Variants in MGAT4A observed in about 807,000 individuals in gnomAD.
MGAT4A encodes alpha-1,3-mannosyl-glycoprotein 4-beta-N-acetylglucosaminyltransferase A.
MGAT4A carries 33 observed loss-of-function variants against 74.1 expected under a neutral mutation model. The ratio of observed to expected loss-of-function variants is 0.45; its 90% CI spans 0.34 to 0.60. MGAT4A has a LOEUF of 0.60. Among genes scored for constraint, MGAT4A ranks in the 20% least tolerant of loss-of-function variants. The pLI is 0.02. For synonymous variants in MGAT4A, 198 were observed against 210.4 expected (o/e 0.94, Z 0.51); for missense variants, 479 against 628.3 (o/e 0.76, Z 2.54).
At chr2:98,637,044 T>A (rs1701332209) in intron 12 of MGAT4A, among the ~76,000 whole-genome samples, 2 of 152,160 alleles carry the variant, frequency 1.3e-5, no homozygotes, top group African/African-American at 4.8e-5. Flanking sequence ...GCGTGGTGGC[T>A]CACACCTGTA....
chr2:98,725,982 G>A (rs1702756843), intron 2 of MGAT4A: 1 of 417,062 alleles, frequency 2.4e-6, no homozygotes, highest in African/African-American at 2.0e-5. Context: ...CTGTCTTTTA[G>A]AATATAAAAC....
chr2:98,672,337 A>G (rs1407848098), intron 4 of MGAT4A, among the ~76,000 whole-genome samples: 1 of 152,246 alleles, frequency 6.6e-6, no homozygotes, highest in Non-Finnish European at 1.5e-5. Flanking sequence ...CTGAAGCTCC[A>G]CAAGACTCGG....
At chr2:98,673,907 C>CCA (rs1226505467) in intron 4 of MGAT4A, among the ~76,000 whole-genome samples, 1 of 152,090 alleles carries the variant, frequency 6.6e-6, no homozygotes, top group Non-Finnish European at 1.5e-5. Context: ...AAACAAAGTA[C>CCA]CACACACACC....
At chr2:98,713,587 C>T (rs547273168) in intron 2 of MGAT4A, among the ~76,000 whole-genome samples, 2 of 152,218 alleles carry the variant, frequency 1.3e-5, no homozygotes, top group African/African-American at 4.8e-5. Context: ...CATGGCGAAA[C>T]CCTGTCTACA....
intron 2 of MGAT4A, among the ~76,000 whole-genome samples, chr2:98,696,797 C>A (rs551312931): frequency 1.1e-3 from 168 of 152,318 alleles, no homozygotes; most frequent in African/African-American, 3.9e-3. Flanking sequence ...AAAATAAAAT[C>A]TCATTTTATA....
intron 2 of MGAT4A, among the ~76,000 whole-genome samples, chr2:98,715,863 C>T (rs1366248794): frequency 6.6e-6 from 1 of 152,172 alleles, no homozygotes; most frequent in African/African-American, 2.4e-5. Context: ...TGATAAGAAA[C>T]AGGATATTGG....
At chr2:98,660,410 ACGCACGCG>A (rs201700667) in intron 5 of MGAT4A, among the ~76,000 whole-genome samples, 2 of 117,874 alleles carry the variant, frequency 1.7e-5, no homozygotes, top group African/African-American at 6.3e-5. Context: ...ACACACACAC[ACGCACGCG>A]CACACACACA....
intron 4 of MGAT4A, among the ~76,000 whole-genome samples, chr2:98,668,317 CCCAGCCACT>C (rs1358552885): frequency 2.0e-5 from 3 of 152,202 alleles, no homozygotes; most frequent in Admixed American, 6.5e-5. Context: ...TGACCTGTGT[CCCAGCCACT>C]CCAGCCTTGA....
Position 98,655,390 on chromosome 2 carries a change from C to T in MGAT4A, c.774+55G>A, listed in dbSNP as rs74992143. ...CTTCCTGTTTTAATGAAAACATACC[C>T]TTGATAACACTTTTTCTTTACAAGC... On this transcript the variant is annotated intron_variant, in intron 8 of 15. Transcript: ENST00000393487. 1.0e-3 allele frequency: 1,401 copies of T among 1,353,348 alleles called. 16 individuals are homozygous for T. In the African/African-American group the frequency reaches 0.019, roughly 18 times the overall value. The allele number at this position is 1,353,348 out of a possible 1,614,324, so 83.8% of individuals were successfully genotyped here.
At chr2:98,721,003 T>C (rs1387505173) in intron 2 of MGAT4A, among the ~76,000 whole-genome samples, 1 of 151,914 alleles carries the variant, frequency 6.6e-6, no homozygotes, top group African/African-American at 2.4e-5. Context: ...ATGGTGGAAA[T>C]GAAAAAAGTC....
chr2:98,722,874 C>T (rs944242923), intron 2 of MGAT4A, among the ~76,000 whole-genome samples: 1 of 152,098 alleles, frequency 6.6e-6, no homozygotes, highest in Admixed American at 6.6e-5. Flanking sequence ...ATCAATCTCA[C>T]CCAGGGTCTA....
At chr2:98,648,152 T>TA (rs2104247401) in intron 8 of MGAT4A, among the ~76,000 whole-genome samples, 1 of 152,330 alleles carries the variant, frequency 6.6e-6, no homozygotes, top group South Asian at 2.1e-4. Context: ...GACTTGAATA[T>TA]AAAGCAACTC....
In MGAT4A at chr2:98,625,537, A is replaced by C; in HGVS notation, c.*29T>G. ...AACTATCTTTAATTAACAAATTCAC[A>C]GGAAAAAATGTGTTGGTTTCTCAGA... On this transcript the variant is annotated 3_prime_UTR_variant, in exon 16 of 16. Transcript: ENST00000393487. The C allele has an allele frequency of 6.2e-7, 1 of 1,601,046 alleles. No homozygotes were observed.
intron 3 of MGAT4A, among the ~76,000 whole-genome samples, chr2:98,677,254 T>C (rs554458697): frequency 6.6e-6 from 1 of 152,310 alleles, no homozygotes; most frequent in Admixed American, 6.5e-5. Flanking sequence ...TTCTGTATTA[T>C]AAATAAGGTT....
chr2:98,713,210 G>T lies in MGAT4A; in HGVS notation c.94+13029C>A, dbSNP rs201508395. 2.1e-4 allele frequency among the ~76,000 whole-genome samples: 21 copies of T among 100,236 alleles called. 1 individual carries two copies. The highest frequency in any genetic ancestry group is 7.0e-4 in the African/African-American group (18 of 25,570). The allele number at this position is 100,236 out of a possible 152,430, so 65.8% of individuals were successfully genotyped here. ...CAAAAAAAAAAAAAAAAAAAAAAAAGCCGTTTATCTTTAGGTTTTGAAAAG... is the reference window on the plus strand; with the variant it reads ...CAAAAAAAAAAAAAAAAAAAAAAAATCCGTTTATCTTTAGGTTTTGAAAAG... On this transcript the variant is annotated intron_variant, in intron 2 of 15. Coordinates refer to ENST00000393487, the MANE Select transcript of MGAT4A (RefSeq NM_012214.3).
chr2:98,699,948 C>T (rs1702328057), intron 2 of MGAT4A, among the ~76,000 whole-genome samples: 1 of 152,112 alleles, frequency 6.6e-6, no homozygotes, highest in South Asian at 2.1e-4. Flanking sequence ...GCCTGAGTCA[C>T]GATGTTTCTT....
At chr2:98,631,668 G>C (rs527357474) in intron 14 of MGAT4A, among the ~76,000 whole-genome samples, 4 of 152,160 alleles carry the variant, frequency 2.6e-5, no homozygotes, top group African/African-American at 9.7e-5. Flanking sequence ...CGACTCCAGG[G>C]GAAAACCATC....
At chr2:98,643,855 T>C in intron 10 of MGAT4A, 68 bp downstream of exon 10, 1 of 1,367,636 alleles carries the variant, frequency 7.3e-7, no homozygotes, top group South Asian at 2.1e-5. Context: ...ATTTGCAAAA[T>C]CTCTAAAAGT....
rs141930246 is a variant in MGAT4A at position 98,675,124 on chromosome 2, A to T, written c.314T>A (p.Val105Glu). The T allele has an allele frequency of 1.2e-5, 20 of 1,612,008 alleles. No homozygotes were observed. In the African/African-American group the frequency reaches 2.7e-4, roughly 22 times the overall value. The change falls in exon 4 of 16, where the codon GTG becomes GAG. Residue 105 changes from valine to glutamate, a missense_variant. By Grantham distance (121) the Val-to-Glu change is moderately radical (BLOSUM62 -2). Transcript: ENST00000393487. ...KELTSKKSLQ[V>E]PSIYYHLPHL... ...AGGCAAATGATAATAAATACTTGGC[A>T]CTTGAAGAGATTTTTTGCTTGTTAA...
Sources: allele counts gnomAD v4.1 joint callset (sites outside exome capture counted in the v4.1 genomes callset), GRCh38; gene constraint gnomAD v4.1.1; transcripts MANE v1.5; gene names NCBI Gene and HGNC (gene_info 2026-07-23, HGNC 2026-07-21).